The following ZSWIM5 variants were observed in gnomAD, a reference collection of about 807,000 sequenced individuals.
The protein encoded by ZSWIM5 is zinc finger SWIM domain-containing protein 5.
ZSWIM5 carries 55 observed loss-of-function variants against 119.6 expected under a neutral mutation model. The ratio of observed to expected loss-of-function variants is 0.46; its 90% CI spans 0.37 to 0.58. ZSWIM5 has a LOEUF of 0.58. Ranked by LOEUF, ZSWIM5 falls within the 20% of genes least tolerant of loss-of-function variation. ZSWIM5 has a pLI of 0.00. For synonymous variants in ZSWIM5, 537 were observed against 606.9 expected (o/e 0.88, Z 1.69); for missense variants, 1,193 against 1,512.8 (o/e 0.79, Z 3.51).
chr1:45,081,772 A>C (rs1244220837), intron 2 of ZSWIM5, among the ~76,000 whole-genome samples: 2 of 150,832 alleles, frequency 1.3e-5, no homozygotes, highest in African/African-American at 2.4e-5. Context: ...CTGGCCACCC[A>C]TCGTCTGGAA....
At chr1:45,149,300 T>A (rs1453531591) in intron 1 of ZSWIM5, among the ~76,000 whole-genome samples, 1 of 152,162 alleles carries the variant, frequency 6.6e-6, no homozygotes, top group African/African-American at 2.4e-5. Flanking sequence ...GATTGTCACA[T>A]GTACAAACAC....
intron 1 of ZSWIM5, among the ~76,000 whole-genome samples, chr1:45,204,066 G>C (rs890888863): frequency 6.6e-6 from 1 of 152,010 alleles, no homozygotes; most frequent in Non-Finnish European, 1.5e-5. Context: ...ACATGATCTA[G>C]ATTACCCAAA....
At chr1:45,023,954 A>AT in intron 11 of ZSWIM5, among the ~76,000 whole-genome samples, 1 of 152,174 alleles carries the variant, frequency 6.6e-6, no homozygotes, top group South Asian at 2.1e-4. Flanking sequence ...TAATTCCCTA[A>AT]TGACATATAA....
intron 1 of ZSWIM5, among the ~76,000 whole-genome samples, chr1:45,118,664 C>T (rs1645573111): frequency 6.6e-6 from 1 of 150,548 alleles, no homozygotes; most frequent in Admixed American, 6.6e-5. Flanking sequence ...ATCACCTGAG[C>T]CTGGGAGGTG....
At chr1:45,120,383 T>C (rs1645584216) in intron 1 of ZSWIM5, among the ~76,000 whole-genome samples, 1 of 152,172 alleles carries the variant, frequency 6.6e-6, no homozygotes, top group African/African-American at 2.4e-5. Flanking sequence ...AATACATTAA[T>C]TATAGCTATC....
intron 1 of ZSWIM5, among the ~76,000 whole-genome samples, chr1:45,099,801 A>G (rs1402280034): frequency 6.6e-6 from 1 of 152,224 alleles, no homozygotes; most frequent in African/African-American, 2.4e-5. Context: ...CAAAACCCAC[A>G]TGTTTATCTC....
chr1:45,130,239 C>T (rs536706391), intron 1 of ZSWIM5, among the ~76,000 whole-genome samples: 9 of 152,288 alleles, frequency 5.9e-5, no homozygotes, highest in African/African-American at 2.2e-4. Flanking sequence ...GTCAAAATTA[C>T]AAACTCTTGC....
At chr1:45,192,996 G>T (rs1646101140) in intron 1 of ZSWIM5, among the ~76,000 whole-genome samples, 2 of 152,040 alleles carry the variant, frequency 1.3e-5, no homozygotes, top group Admixed American at 1.3e-4. Flanking sequence ...TTTGAATTAG[G>T]TTTTTTCTTG....
chr1:45,169,495 T>C (rs1645932360), intron 1 of ZSWIM5, among the ~76,000 whole-genome samples: 1 of 152,054 alleles, frequency 6.6e-6, no homozygotes, highest in African/African-American at 2.4e-5. Context: ...AGTTGGAATA[T>C]GAATCCTAAC....
intron 2 of ZSWIM5, among the ~76,000 whole-genome samples, chr1:45,074,567 A>G (rs1162589574): frequency 6.6e-6 from 1 of 151,752 alleles, no homozygotes; most frequent in Non-Finnish European, 1.5e-5. Flanking sequence ...ATCAGCTGTA[A>G]TGTCTCCTTT....
At chr1:45,050,211 C>T (rs10789454) in intron 5 of ZSWIM5, among the ~76,000 whole-genome samples, 99,821 of 151,776 alleles carry the variant, frequency 0.66, 34,329 homozygotes, top group East Asian at 0.87. Context: ...AAAAATTAGC[C>T]GGGCGTGGTG....
chr1:45,116,432 C>T (rs1459972683), intron 1 of ZSWIM5, among the ~76,000 whole-genome samples: 1 of 152,164 alleles, frequency 6.6e-6, no homozygotes, highest in Non-Finnish European at 1.5e-5. Flanking sequence ...CAAGTACATT[C>T]TCTTTTCTCC....
chr1:45,036,449 G>T, intron 8 of ZSWIM5, 150 bp from the exon 9 acceptor site: 2 of 1,121,728 alleles, frequency 1.8e-6, no homozygotes, highest in Non-Finnish European at 1.2e-6. Context: ...CCGCCTCCCC[G>T]GTTCAAGCGA....
intron 2 of ZSWIM5, among the ~76,000 whole-genome samples, chr1:45,085,524 G>GTT (rs1387910637): frequency 0.012 from 1,479 of 128,498 alleles, 39 homozygotes; most frequent in African/African-American, 0.041. Flanking sequence ...AGGTTAGTTT[G>GTT]TTTGTTTTTT....
At chr1:45,023,487 C>A (rs1181806859) in intron 11 of ZSWIM5, among the ~76,000 whole-genome samples, 2 of 129,848 alleles carry the variant, frequency 1.5e-5, no homozygotes, top group African/African-American at 5.4e-5. Flanking sequence ...GAGTTTACAC[C>A]CAAAACTTCC....
At chr1:45,117,683 CAAG>C (rs1320003436) in intron 1 of ZSWIM5, among the ~76,000 whole-genome samples, 2 of 151,702 alleles carry the variant, frequency 1.3e-5, no homozygotes, top group African/African-American at 2.4e-5. Flanking sequence ...AAAAAAGTAA[CAAG>C]GAGGTCATCC....
chr1:45,094,860 C>CAAAA (rs542730310), intron 1 of ZSWIM5, among the ~76,000 whole-genome samples: 1 of 103,664 alleles, frequency 9.6e-6, no homozygotes. Flanking sequence ...ACAAGGCAAG[C>CAAAA]AAAAAAAAAA....
intron 2 of ZSWIM5, among the ~76,000 whole-genome samples, chr1:45,086,783 A>C (rs775646199): frequency 1.2e-4 from 19 of 152,286 alleles, no homozygotes; most frequent in South Asian, 4.1e-4. Context: ...AAGTATAATA[A>C]AAAATAAAAA....
intron 1 of ZSWIM5, among the ~76,000 whole-genome samples, chr1:45,115,978 C>T (rs571025334): frequency 7.5e-4 from 114 of 152,284 alleles, no homozygotes; most frequent in African/African-American, 2.5e-3. Context: ...CGTGGTGGCG[C>T]GCGCCCGCAA....
Sources: allele counts gnomAD v4.1 joint callset (sites outside exome capture counted in the v4.1 genomes callset), GRCh38; gene constraint gnomAD v4.1.1; transcripts MANE v1.5; gene names NCBI Gene and HGNC (gene_info 2026-07-23, HGNC 2026-07-21).